Variants in MAOB observed in about 807,000 individuals in gnomAD.
MAOB encodes the protein monoamine oxidase B.
MAOB carries 15 observed loss-of-function variants against 41.9 expected under a neutral mutation model. The observed-to-expected ratio is 0.36, with a 90% CI of 0.24 to 0.55. MAOB has a LOEUF of 0.55. MAOB is among the 20% of genes least tolerant of loss of function. MAOB has a pLI of 0.86. For synonymous variants in MAOB, 167 were observed against 144.2 expected (o/e 1.16, Z -1.13); for missense variants, 345 against 398.7 (o/e 0.87, Z 1.15).
intron 8 of MAOB, among the ~76,000 whole-genome samples, chrX:43,788,542 T>C (rs2034427819): frequency 8.9e-6 from 1 of 111,846 alleles, no homozygotes; most frequent in East Asian, 2.8e-4. Context: ...TGCTGTTTAT[T>C]GCAGCATGGT....
intron 1 of MAOB, among the ~76,000 whole-genome samples, chrX:43,861,100 C>T (rs1207091015): frequency 8.9e-6 from 1 of 112,307 alleles, no homozygotes; most frequent in Non-Finnish European, 1.9e-5. Flanking sequence ...TATGTGACTG[C>T]CCCTCCACCA....
intron 1 of MAOB, among the ~76,000 whole-genome samples, chrX:43,859,917 G>A (rs1270104382): frequency 1.8e-5 from 2 of 111,901 alleles, no homozygotes; most frequent in Non-Finnish European, 3.8e-5. Flanking sequence ...ACTCACTCCA[G>A]TCAGACTTTC....
intron 7 of MAOB, among the ~76,000 whole-genome samples, chrX:43,794,669 T>G (rs1424205243): frequency 9.0e-6 from 1 of 110,530 alleles, no homozygotes; most frequent in East Asian, 2.9e-4. Flanking sequence ...ATAATACCTT[T>G]ATAAGTTTTT....
intron 9 of MAOB, among the ~76,000 whole-genome samples, chrX:43,781,185 AC>A (rs2034327338): frequency 9.0e-6 from 1 of 111,336 alleles, no homozygotes; most frequent in South Asian, 3.8e-4. Flanking sequence ...AAATATGTCT[AC>A]CCCCAACACT....
At chrX:43,857,177 AG>A (rs1258510947) in intron 1 of MAOB, among the ~76,000 whole-genome samples, 65 of 90,094 alleles carry the variant, frequency 7.2e-4, no homozygotes, top group Non-Finnish European at 1.3e-3. Flanking sequence ...GAAGAGAGAG[AG>A]AGAGAGAGAG....
intron 2 of MAOB, among the ~76,000 whole-genome samples, chrX:43,841,918 C>T (rs1372482769): frequency 9.0e-6 from 1 of 111,583 alleles, no homozygotes; most frequent in East Asian, 2.8e-4. Flanking sequence ...TACAAATAAT[C>T]AACTCTAAAT....
rs761527830 is a variant in MAOB at position 43,795,727 on chromosome X, T to C, written c.768+12A>G. On this transcript the variant is annotated intron_variant, in intron 7 of 14. Coordinates refer to ENST00000378069, the MANE Select transcript of MAOB (RefSeq NM_000898.5). ...TGAAGATCAAATATATATTTCACAA[T>C]ATCACAGTTACCTCATACATCTCAT... 119 of 1,170,393 alleles carry C rather than the reference T, an allele frequency of 1.0e-4. No individual in the cohort carries two copies. The highest frequency in any genetic ancestry group is 1.3e-4 in the Non-Finnish European group (116 of 866,412).
intron 5 of MAOB, among the ~76,000 whole-genome samples, chrX:43,801,643 A>C (rs186967520): frequency 7.9e-4 from 89 of 112,384 alleles, no homozygotes; most frequent in Admixed American, 1.2e-3. Flanking sequence ...TTAATGCTTA[A>C]CTCATAGGTA....
chrX:43,843,355 TCTCACACACA>T lies in MAOB; in HGVS notation c.141+305_141+314del, dbSNP rs752991805. Among the ~76,000 whole-genome samples the T allele has an allele frequency of 3.1e-3, 233 of 74,539 alleles. 2 individuals are homozygous for T. The highest frequency in any genetic ancestry group is 0.013 in the African/African-American group (214 of 16,801). 64.7% of individuals were successfully genotyped at this position (74,539 alleles called of 115,157 possible). ...ATTTTTCTTCCTATTTCTCTCTCTG[TCTCACACACA>T]CACACACACACACACACACACACAC... is the stretch of plus-strand genomic sequence containing the variant. On this transcript the variant is annotated intron_variant, in intron 2 of 14. Transcript: ENST00000378069.
chrX:43,857,270 T>G (rs945387916), intron 1 of MAOB, among the ~76,000 whole-genome samples: 4 of 102,052 alleles, frequency 3.9e-5, no homozygotes, highest in Non-Finnish European at 7.9e-5. Flanking sequence ...AACCTCTACC[T>G]CCCGGGTTCA....
chrX:43,807,256 C>G (rs954509663), intron 3 of MAOB, among the ~76,000 whole-genome samples: 1 of 112,321 alleles, frequency 8.9e-6, no homozygotes, highest in Non-Finnish European at 1.9e-5. Context: ...AGTCAATCCC[C>G]ATTCTAGCTC....
intron 1 of MAOB, among the ~76,000 whole-genome samples, chrX:43,854,809 A>T (rs2035277760): frequency 8.9e-6 from 1 of 111,923 alleles, no homozygotes; most frequent in South Asian, 3.8e-4. Flanking sequence ...TGAGAAATAA[A>T]GCTTCCTGAA....
At chrX:43,865,583 A>G (rs758592087) in intron 1 of MAOB, among the ~76,000 whole-genome samples, 25 of 112,024 alleles carry the variant, frequency 2.2e-4, no homozygotes, top group Middle Eastern at 4.6e-3. Flanking sequence ...CAACAAAGCT[A>G]TTATTTAAAA....
In MAOB at chrX:43,813,084, T is replaced by C. The variant is rs369264941; in HGVS notation, c.280-9680A>G. On this transcript the variant is annotated intron_variant, in intron 3 of 14. Transcript: ENST00000378069. ...TTTCAGATGAAGAAACTGAGGCATA[T>C]AGAGATAAATAATTATATTTTGCCT... 5.2e-3 allele frequency among the ~76,000 whole-genome samples: 580 copies of C among 112,181 alleles called. 4 individuals carry two copies. The highest frequency in any genetic ancestry group is 0.017 in the African/African-American group (527 of 30,860).
chrX:43,778,926 A>G (rs1037864223), intron 10 of MAOB, among the ~76,000 whole-genome samples, 187 bp from the exon 11 acceptor site: 1 of 112,128 alleles, frequency 8.9e-6, no homozygotes, highest in African/African-American at 3.2e-5. Context: ...CTTTGAGGTC[A>G]CAAATATTAA....
chrX:43,806,170 T>G (rs887948579), intron 3 of MAOB, among the ~76,000 whole-genome samples: 1 of 111,876 alleles, frequency 8.9e-6, no homozygotes, highest in African/African-American at 3.3e-5. Context: ...CACTGGTAGA[T>G]CACTATGTAC....
At chrX:43,768,531 TG>T in intron 14 of MAOB, 122 bp downstream of exon 14, 1 of 535,495 alleles carries the variant, frequency 1.9e-6, no homozygotes, top group Non-Finnish European at 3.2e-6. Context: ...TAAACATTCA[TG>T]TTTAAATCAC....
intron 1 of MAOB, among the ~76,000 whole-genome samples, chrX:43,846,039 A>G (rs1232538655): frequency 8.9e-6 from 1 of 112,292 alleles, no homozygotes; most frequent in Non-Finnish European, 1.9e-5. Flanking sequence ...CACAGGATTT[A>G]TAACCCCAGT....
intron 8 of MAOB, among the ~76,000 whole-genome samples, chrX:43,782,642 G>A (rs1445686853): frequency 9.0e-6 from 1 of 111,728 alleles, no homozygotes; most frequent in Non-Finnish European, 1.9e-5. Context: ...CTCATTTTAT[G>A]AGGCCAGCAT....
Sources: allele counts gnomAD v4.1 joint callset (sites outside exome capture counted in the v4.1 genomes callset), GRCh38; gene constraint gnomAD v4.1.1; transcripts MANE v1.5; gene names NCBI Gene and HGNC (gene_info 2026-07-23, HGNC 2026-07-21).